Variants in BTBD16 observed in about 807,000 individuals in gnomAD.
BTBD16 encodes BTB domain containing 16.
Under a neutral mutation model 67.4 loss-of-function variants are expected in BTBD16, and 66 were observed. That is an observed-to-expected ratio of 0.98 (90% confidence interval 0.80 to 1.20). BTBD16 has a LOEUF of 1.20. Ranked by LOEUF, BTBD16 falls within the 50% of genes most tolerant of loss-of-function variation. The probability of loss-of-function intolerance (pLI) is 0.00; values close to 1 mark genes in which losing one functional copy is unlikely to be tolerated. For synonymous variants in BTBD16, 242 were observed against 236.4 expected, an observed-to-expected ratio of 1.02 and a Z score of -0.22; for missense variants, 634 against 616.0, an observed-to-expected ratio of 1.03 and a Z score of -0.31.
chr10:122,275,387 A>C (rs921385447), intron 2 of BTBD16, among the ~76,000 whole-genome samples: 4 of 152,196 alleles, frequency 2.6e-5, no homozygotes, highest in African/African-American at 9.7e-5. Context: ...TAGGCACTAT[A>C]CTAAGGCATA....
At chr10:122,295,578 T>C (rs1160488553) in intron 7 of BTBD16, 3 of 970,376 alleles carry the variant, frequency 3.1e-6, no homozygotes, top group Non-Finnish European at 3.7e-6. Flanking sequence ...GGCTGGCTGT[T>C]GAGAGGCTAT....
At chr10:122,306,356 G>A (rs1046104144) in intron 9 of BTBD16, among the ~76,000 whole-genome samples, 4 of 152,170 alleles carry the variant, frequency 2.6e-5, no homozygotes, top group Admixed American at 6.6e-5. Flanking sequence ...GTGTTGTTTC[G>A]AACCACTTGG....
chr10:122,325,989 T>C (rs1267631124), intron 10 of BTBD16, among the ~76,000 whole-genome samples: 3 of 152,060 alleles, frequency 2.0e-5, no homozygotes, highest in Non-Finnish European at 4.4e-5. Context: ...ATTTTCTGGT[T>C]CTTTGATTTC....
intron 9 of BTBD16, among the ~76,000 whole-genome samples, chr10:122,306,199 G>A (rs1215350959): frequency 6.6e-6 from 1 of 152,212 alleles, no homozygotes; most frequent in African/African-American, 2.4e-5. Context: ...AGGGCCATAA[G>A]CAAAGGAATG....
intron 15 of BTBD16, 133 bp from the exon 16 acceptor site, chr10:122,337,884 G>A: frequency 3.0e-6 from 2 of 673,586 alleles, no homozygotes; most frequent in Middle Eastern, 6.3e-4. Flanking sequence ...AACCTCTGCA[G>A]GTTATTCTGA....
At chr10:122,285,373 A>C (rs1458107100) in intron 4 of BTBD16, among the ~76,000 whole-genome samples, 3 of 152,116 alleles carry the variant, frequency 2.0e-5, no homozygotes, top group African/African-American at 7.2e-5. Flanking sequence ...CTCAGGTTAG[A>C]TGCCCCTGAA....
At chr10:122,280,357 C>T (rs534340166) in intron 3 of BTBD16, among the ~76,000 whole-genome samples, 1 of 152,168 alleles carries the variant, frequency 6.6e-6, no homozygotes, top group South Asian at 2.1e-4. Context: ...GGAGGTGTGT[C>T]TCAGGCCAGA....
At chr10:122,328,998 C>T (rs35915250) in intron 10 of BTBD16, among the ~76,000 whole-genome samples, 1,908 of 152,260 alleles carry the variant, frequency 0.013, 20 homozygotes, top group Middle Eastern at 0.041. Context: ...CTAATTTGGT[C>T]ACTTACTGGA....
intron 9 of BTBD16, among the ~76,000 whole-genome samples, chr10:122,306,346 G>A (rs2096403631): frequency 6.6e-6 from 1 of 152,208 alleles, no homozygotes; most frequent in Non-Finnish European, 1.5e-5. Flanking sequence ...AAATAAATTC[G>A]TGTTGTTTCG....
intron 15 of BTBD16, among the ~76,000 whole-genome samples, chr10:122,337,176 A>G (rs1224085221): frequency 6.6e-6 from 1 of 152,208 alleles, no homozygotes; most frequent in Non-Finnish European, 1.5e-5. Context: ...AGACTTTGCT[A>G]CAAGCCAGTG....
intron 8 of BTBD16, among the ~76,000 whole-genome samples, chr10:122,298,541 T>C (rs921197756): frequency 6.6e-6 from 1 of 152,208 alleles, no homozygotes; most frequent in African/African-American, 2.4e-5. Context: ...TTCCACTTTC[T>C]CTGCCCTTCA....
chr10:122,289,464 C>A (rs949549889), intron 5 of BTBD16, among the ~76,000 whole-genome samples: 1 of 152,126 alleles, frequency 6.6e-6, no homozygotes, highest in African/African-American at 2.4e-5. Flanking sequence ...ATAGGCCGGG[C>A]GCGGTGGTTC....
chr10:122,286,244 G>A lies in BTBD16; in HGVS notation c.381G>A (p.Leu127=), dbSNP rs1404279002. Residue 127 remains leucine (L), a synonymous_variant, in exon 5 of 16, where the codon CTG becomes CTA. Transcript: ENST00000260723. ...CCCTGAGGGAGCTGGAGGAGCTTCT[G>A]CGAGGTACTTCCTCCCTGGCACCCA... ...THPLRELEEL[L]RAQSPKKTKE... The A allele has an allele frequency of 6.2e-7, 1 of 1,606,518 alleles. No individual in the cohort carries two copies.
chr10:122,302,656 G>A (rs1357413148), intron 9 of BTBD16, among the ~76,000 whole-genome samples: 1 of 152,164 alleles, frequency 6.6e-6, no homozygotes, highest in Non-Finnish European at 1.5e-5. Flanking sequence ...GGACACCCCT[G>A]GGCACCCATC....
rs779563856 is a variant in BTBD16 at position 122,332,481 on chromosome 10, C to G, written c.1132C>G (p.Gln378Glu). Residue 378 changes from glutamine (Q) to glutamate (E), a missense_variant, in exon 13 of 16, where the codon CAG becomes GAG. Gln to Glu is a conservative substitution (Grantham distance 29). Transcript: ENST00000260723. ...GGTCCACCTGAAAGATCTTAACACCCAGGCTGTGAGATTTGGGCTGCTCTT... is the reference window on the plus strand; with the variant it reads ...GGTCCACCTGAAAGATCTTAACACCGAGGCTGTGAGATTTGGGCTGCTCTT... ...DMVHLKDLNT[Q>E]AVRFGLLFNQ... 3 of 1,614,090 alleles carry G rather than the reference C, an allele frequency of 1.9e-6. No individual in the cohort carries two copies. The East Asian group carries it at 6.7e-5, about 36-fold the overall frequency.
intron 1 of BTBD16, among the ~76,000 whole-genome samples, chr10:122,271,889 C>A (rs2142035249): frequency 6.6e-6 from 1 of 152,308 alleles, no homozygotes; most frequent in East Asian, 1.9e-4. Context: ...CCCAGCCTCC[C>A]TCTCTCTGTA....
At chr10:122,308,646 G>A (rs768435943) in intron 10 of BTBD16, among the ~76,000 whole-genome samples, 10 of 152,022 alleles carry the variant, frequency 6.6e-5, no homozygotes, top group Non-Finnish European at 1.0e-4. Context: ...TTTCTCCAGC[G>A]AGCTTTGGGT....
intron 9 of BTBD16, 121 bp from the exon 10 acceptor site, chr10:122,307,066 GGC>G: frequency 9.0e-7 from 1 of 1,109,218 alleles, no homozygotes; most frequent in Non-Finnish European, 1.3e-6. Context: ...TGATGTCTGA[GGC>G]TACCTTCAGA....
At chr10:122,294,173 G>A in intron 7 of BTBD16, 2 of 985,432 alleles carry the variant, frequency 2.0e-6, no homozygotes, top group Non-Finnish European at 2.4e-6. Flanking sequence ...GCTGGGTCTT[G>A]CCTGCCTTTG....
Sources: gnomAD v4.1 joint callset for allele counts (sites outside exome capture counted in the v4.1 genomes callset) on GRCh38, gnomAD v4.1.1 for gene constraint, MANE v1.5 for transcripts, NCBI Gene and HGNC (gene_info 2026-07-23, HGNC 2026-07-21) for gene names.